Variants in FAM13A observed in about 807,000 individuals in gnomAD.
FAM13A encodes family with sequence similarity 13 member A, also known as protein FAM13A.
A neutral mutation model predicts 129.6 loss-of-function variants in FAM13A; 76 were observed. The observed-to-expected ratio is 0.59, with a 90% CI of 0.49 to 0.71. FAM13A has a LOEUF of 0.71. FAM13A is among the 30% of genes least tolerant of loss of function. The probability of loss-of-function intolerance (pLI) is 0.00; values close to 1 mark genes in which losing one functional copy is unlikely to be tolerated. For synonymous variants in FAM13A, 443 were observed against 449.9 expected, an observed-to-expected ratio of 0.98 and a Z score of 0.20; for missense variants, 1,108 against 1,249.3, an observed-to-expected ratio of 0.89 and a Z score of 1.70.
chr4:88,849,229 CAT>C (rs1737155572), intron 7 of FAM13A, among the ~76,000 whole-genome samples: 1 of 152,104 alleles, frequency 6.6e-6, no homozygotes, highest in Non-Finnish European at 1.5e-5. Context: ...TAGTAAATGC[CAT>C]ATAACTAGAT....
At chr4:88,755,858 A>C (rs1743507924) in intron 14 of FAM13A, among the ~76,000 whole-genome samples, 1 of 152,244 alleles carries the variant, frequency 6.6e-6, no homozygotes, top group Admixed American at 6.5e-5. Flanking sequence ...TATGTTGCCT[A>C]GGCTGGTTTT....
chr4:88,954,220 TTTC>T (rs538456472), intron 4 of FAM13A, among the ~76,000 whole-genome samples: 20 of 152,326 alleles, frequency 1.3e-4, no homozygotes, highest in African/African-American at 4.6e-4. Flanking sequence ...CAATGAACAT[TTTC>T]TTCATTTCAA....
intron 1 of FAM13A, among the ~76,000 whole-genome samples, chr4:89,030,133 T>C (rs1294322807): frequency 1.7e-4 from 26 of 152,140 alleles, no homozygotes; most frequent in Admixed American, 1.7e-3. Flanking sequence ...CCATTATAGT[T>C]CTCTGATTTG....
intron 21 of FAM13A, among the ~76,000 whole-genome samples, chr4:88,735,665 C>A (rs1007836714): frequency 4.6e-5 from 7 of 152,186 alleles, no homozygotes; most frequent in Admixed American, 1.3e-4. Flanking sequence ...TACCTGCACA[C>A]ACACCAAATT....
intron 5 of FAM13A, among the ~76,000 whole-genome samples, chr4:88,921,407 A>T (rs1001010908): frequency 1.3e-5 from 2 of 152,212 alleles, no homozygotes; most frequent in Non-Finnish European, 2.9e-5. Flanking sequence ...CAACATTCTT[A>T]AAGAAAAGAA....
Position 89,033,002 on chromosome 4 carries a change from A to G in FAM13A, c.28-3353T>C, listed in dbSNP as rs1358883129. The stretch of plus-strand genomic sequence containing the variant: ...CTGCAGCTGATATGGTCCTTGATCT[A>G]CTCTTTCTGACATTGTTCATTCTTC... On this transcript the variant is annotated intron_variant, in intron 1 of 23. Transcript: ENST00000264344. Among the ~76,000 whole-genome samples the G allele has an allele frequency of 2.6e-5, 4 of 151,898 alleles. No individual in the cohort carries two copies. In the South Asian group the frequency reaches 8.3e-4, roughly 32 times the overall value.
intron 8 of FAM13A, among the ~76,000 whole-genome samples, chr4:88,794,095 T>G (rs571245598): frequency 1.9e-4 from 28 of 150,950 alleles, no homozygotes; most frequent in Admixed American, 1.4e-3. Context: ...AATAATGAAT[T>G]TTTTTTCAGC....
rs544335474 is a variant in FAM13A, at chr4:88,902,498, GA to G, written c.843+3880del. Among the ~76,000 whole-genome samples the G allele has an allele frequency of 4.4e-3, 627 of 143,356 alleles. 28 individuals are homozygous for G. The highest frequency in any genetic ancestry group is 0.04 in the Admixed American group (573 of 14,420). The allele number at this position is 143,356 out of a possible 152,430, so 94.0% of individuals were successfully genotyped here. A position where few individuals can be genotyped will look rare whatever the true frequency, so the allele number is the denominator to read the frequency against. On this transcript the variant is annotated intron_variant, in intron 6 of 23. Transcript: ENST00000264344. ...GATTCATCACATAAACAGTACTAAAGAAAAAAAAAACACTTGATTATCTCAA... is the reference window on the plus strand; with the variant it reads ...GATTCATCACATAAACAGTACTAAAGAAAAAAAAACACTTGATTATCTCAA...
intron 1 of FAM13A, among the ~76,000 whole-genome samples, chr4:89,053,257 C>T (rs533973043): frequency 2.0e-5 from 3 of 152,224 alleles, no homozygotes; most frequent in Admixed American, 2.0e-4. Context: ...TGGTGTTTGC[C>T]ATACATCTTT....
intron 19 of FAM13A, among the ~76,000 whole-genome samples, chr4:88,742,112 T>C (rs1740397628): frequency 6.6e-6 from 1 of 152,002 alleles, no homozygotes; most frequent in Admixed American, 6.6e-5. Context: ...AAAGTAGAAA[T>C]AGGAACCAGC....
chr4:88,728,488 A>C lies in FAM13A; in HGVS notation c.*45T>G. 1.2e-6 allele frequency: 2 copies of C among 1,611,962 alleles called. No homozygotes were observed. Among genetic ancestry groups the C allele is most frequent in the Non-Finnish European group, 1.7e-6 (2 of 1,179,238 alleles). ...GAGCTGCACTTTCTCTGGGGACAGT[A>C]AACTCTCACCGCAGCTGCCAGCCCC... On this transcript the variant is annotated 3_prime_UTR_variant, in exon 24 of 24. Coordinates refer to ENST00000264344, the MANE Select transcript of FAM13A (RefSeq NM_014883.4).
chr4:88,975,156 A>G (rs1032619153), intron 4 of FAM13A, among the ~76,000 whole-genome samples: 14 of 152,224 alleles, frequency 9.2e-5, no homozygotes, highest in Admixed American at 2.6e-4. Context: ...AGTAGAAAAT[A>G]GAGGGTTAGA....
rs528043463 is a variant in FAM13A at position 88,822,247 on chromosome 4, T to A, written c.1008-17195A>T. ...GACCTTGGGCAGCCCTGAGGCCCTC[T>A]CCATGCCTACATTCTTCACTTCTTA... On this transcript the variant is annotated intron_variant, in intron 7 of 23. Coordinates refer to ENST00000264344, the MANE Select transcript of FAM13A (RefSeq NM_014883.4). Among the ~76,000 whole-genome samples the A allele has an allele frequency of 1.6e-4, 25 of 152,336 alleles. No individual in the cohort carries two copies. The South Asian group carries it at 2.1e-3, about 13-fold the overall frequency.
At chr4:88,734,857 G>A (rs1032683211) in intron 21 of FAM13A, among the ~76,000 whole-genome samples, 51 of 152,356 alleles carry the variant, frequency 3.3e-4, no homozygotes, top group African/African-American at 1.2e-3. Context: ...CCAATACCTT[G>A]TCAGTTGCAT....
At chr4:88,799,054 T>A (rs1216448189) in intron 8 of FAM13A, among the ~76,000 whole-genome samples, 1 of 152,188 alleles carries the variant, frequency 6.6e-6, no homozygotes, top group East Asian at 1.9e-4. Flanking sequence ...ATTGTTAGAA[T>A]TAAACCCAGA....
In FAM13A at chr4:89,056,970, CAGAA is replaced by C. The variant is rs772887065; in HGVS notation, c.-10_-7del. On this transcript the variant is annotated 5_prime_UTR_variant, in exon 1 of 24. Transcript: ENST00000264344. The stretch of plus-strand genomic sequence containing the variant: ...GCTAGAGCTCCTGCCCCCATTCTCT[CAGAA>C]AGCGTCTGGAAGAACTGAGGAAGAC... 5.6e-6 allele frequency: 9 copies of C among 1,613,112 alleles called. No homozygotes were observed. The highest frequency in any genetic ancestry group is 7.6e-6 in the Non-Finnish European group (9 of 1,179,508).
chr4:88,791,167 C>T (rs1014397285), intron 8 of FAM13A, among the ~76,000 whole-genome samples: 6 of 152,094 alleles, frequency 3.9e-5, no homozygotes, highest in South Asian at 2.1e-4. Context: ...ACCATCTTTT[C>T]GAAGCCACAT....
chr4:88,784,524 AT>A (rs1040138454), intron 10 of FAM13A, among the ~76,000 whole-genome samples: 8 of 151,956 alleles, frequency 5.3e-5, no homozygotes, highest in Non-Finnish European at 8.8e-5. Flanking sequence ...TTATTTCCAT[AT>A]TTTTTTCAGG....
intron 1 of FAM13A, among the ~76,000 whole-genome samples, chr4:89,045,135 A>G (rs1309201047): frequency 6.6e-6 from 1 of 152,206 alleles, no homozygotes; most frequent in African/African-American, 2.4e-5. Flanking sequence ...ATGATGAAAG[A>G]ACACAAATCA....
Sources: allele counts gnomAD v4.1 joint callset (sites outside exome capture counted in the v4.1 genomes callset), GRCh38; gene constraint gnomAD v4.1.1; transcripts MANE v1.5; gene names NCBI Gene and HGNC (gene_info 2026-07-23, HGNC 2026-07-21).